Variants in SMOC1 observed in about 807,000 individuals in gnomAD.
The protein encoded by SMOC1 is SPARC-related modular calcium-binding protein 1.
SMOC1 carries 22 observed loss-of-function variants against 56.3 expected under a neutral mutation model. The ratio of observed to expected loss-of-function variants is 0.39; its 90% CI spans 0.28 to 0.56. The LOEUF is 0.56. Among genes scored for constraint, SMOC1 ranks in the 20% least tolerant of loss-of-function variants. SMOC1 has a pLI of 0.61. For synonymous variants in SMOC1, 193 were observed against 215.0 expected (o/e 0.90, Z 0.89); for missense variants, 509 against 565.4 (o/e 0.90, Z 1.01).
chr14:69,920,934 T>G (rs1229451369), intron 1 of SMOC1, among the ~76,000 whole-genome samples: 1 of 152,124 alleles, frequency 6.6e-6, no homozygotes, highest in Non-Finnish European at 1.5e-5. Context: ...TCACAGTAAC[T>G]GTAAGATGGG....
chr14:69,965,017 A>G (rs1883516006), intron 3 of SMOC1, among the ~76,000 whole-genome samples: 1 of 152,148 alleles, frequency 6.6e-6, no homozygotes. Context: ...CAGGTGAGTA[A>G]AGTTGGGAAA....
rs149098861 is a variant in SMOC1, at chr14:70,011,960, G to A, written c.940+393G>A. Among the ~76,000 whole-genome samples, 112 of 152,328 alleles carry A rather than the reference G, an allele frequency of 7.4e-4. 1 individual carries two copies. The East Asian group carries it at 0.019, about 25-fold the overall frequency. ...CAGTGTCTGTTGCTTGCTCTGAAGA[G>A]GCAGATGACCCCTGGTGACACAGGA... On this transcript the variant is annotated intron_variant, in intron 9 of 11. Transcript: ENST00000361956.
rs551751795 is a variant in SMOC1 at position 69,912,957 on chromosome 14, C to G, written c.99+33180C>G. Among the ~76,000 whole-genome samples the G allele has an allele frequency of 1.3e-4, 20 of 152,284 alleles. 1 individual carries two copies. Among genetic ancestry groups the G allele is most frequent in the African/African-American group, 4.8e-4 (20 of 41,552 alleles). ...TCACTTTAAACACAATTTGAATAAG[C>G]CTATTACTTTCAGTTCCTTTGAAAA... On this transcript the variant is annotated intron_variant, in intron 1 of 11. Coordinates refer to ENST00000361956, the MANE Select transcript of SMOC1 (RefSeq NM_001034852.3).
intron 5 of SMOC1, among the ~76,000 whole-genome samples, chr14:69,986,586 T>C (rs548391456): frequency 3.0e-4 from 45 of 152,322 alleles, no homozygotes; most frequent in African/African-American, 1.1e-3. Context: ...GTATTATCTT[T>C]GCAACTTCCT....
At chr14:69,901,733 A>G (rs377544142) in intron 1 of SMOC1, among the ~76,000 whole-genome samples, 2 of 152,366 alleles carry the variant, frequency 1.3e-5, no homozygotes, top group African/African-American at 4.8e-5. Flanking sequence ...TGTTTTTCAA[A>G]TGCACAAGAA....
At chr14:70,011,667 T>C (rs562474928) in intron 9 of SMOC1, 100 bp downstream of exon 9, 4 of 1,144,010 alleles carry the variant, frequency 3.5e-6, no homozygotes, top group East Asian at 2.4e-5. Context: ...TGTTTCCCCA[T>C]GTGTAAGATG....
chr14:70,010,006 G>A (rs1396665665), intron 7 of SMOC1, among the ~76,000 whole-genome samples: 1 of 152,202 alleles, frequency 6.6e-6, no homozygotes, highest in Non-Finnish European at 1.5e-5. Flanking sequence ...CTGGACACAG[G>A]GCACCACGCT....
intron 5 of SMOC1, among the ~76,000 whole-genome samples, chr14:69,985,196 T>C (rs1205088715): frequency 6.6e-6 from 1 of 151,696 alleles, no homozygotes; most frequent in Non-Finnish European, 1.5e-5. Flanking sequence ...TGGCAGGATG[T>C]CACTACATAT....
intron 3 of SMOC1, among the ~76,000 whole-genome samples, chr14:69,966,593 A>G (rs1008463510): frequency 1.3e-5 from 2 of 152,092 alleles, no homozygotes; most frequent in Non-Finnish European, 2.9e-5. Context: ...CCCCACTCCA[A>G]TCCAGGGCTC....
chr14:69,888,270 G>T (rs1405405342), intron 1 of SMOC1, among the ~76,000 whole-genome samples: 1 of 152,198 alleles, frequency 6.6e-6, no homozygotes, highest in East Asian at 1.9e-4. Context: ...TCCCCATGAA[G>T]ACCCCAAAGC....
intron 1 of SMOC1, among the ~76,000 whole-genome samples, chr14:69,880,826 C>A (rs1490832071): frequency 6.6e-6 from 1 of 152,210 alleles, no homozygotes; most frequent in African/African-American, 2.4e-5. Flanking sequence ...GGCCCTTTAC[C>A]ACCTGTTCAG....
chr14:69,912,424 A>AT (rs1279183959), intron 1 of SMOC1, among the ~76,000 whole-genome samples: 3 of 151,924 alleles, frequency 2.0e-5, no homozygotes, highest in African/African-American at 7.3e-5. Flanking sequence ...AATTAAAAAA[A>AT]TTTTTTTTGT....
intron 3 of SMOC1, among the ~76,000 whole-genome samples, chr14:69,955,498 T>C (rs1356123463): frequency 6.6e-6 from 1 of 152,082 alleles, no homozygotes; most frequent in East Asian, 1.9e-4. Context: ...TAATTAGTAT[T>C]GTTAATGATC....
chr14:69,989,032 GT>G (rs1195185757), intron 5 of SMOC1, among the ~76,000 whole-genome samples: 1 of 152,158 alleles, frequency 6.6e-6, no homozygotes, highest in Non-Finnish European at 1.5e-5. Context: ...GTGTGGGCAT[GT>G]TTTTATTCTC....
chr14:70,029,613 G>A (rs553103054), intron 11 of SMOC1, among the ~76,000 whole-genome samples: 24 of 152,344 alleles, frequency 1.6e-4, no homozygotes, highest in South Asian at 8.3e-4. Flanking sequence ...GCATACGGAA[G>A]AAGGTGCCAG....
chr14:69,983,389 G>C (rs1291645379), intron 5 of SMOC1, among the ~76,000 whole-genome samples: 1 of 152,238 alleles, frequency 6.6e-6, no homozygotes, highest in African/African-American at 2.4e-5. Context: ...CCAGGGATGA[G>C]TATAACAGTA....
At chr14:69,937,091 C>T (rs982264985) in intron 1 of SMOC1, among the ~76,000 whole-genome samples, 1 of 152,146 alleles carries the variant, frequency 6.6e-6, no homozygotes, top group African/African-American at 2.4e-5. Context: ...TGTTATCCTT[C>T]GCATCAGAAA....
intron 1 of SMOC1, among the ~76,000 whole-genome samples, chr14:69,950,887 G>T (rs1460585870): frequency 2.6e-5 from 4 of 152,336 alleles, no homozygotes; most frequent in African/African-American, 9.6e-5. Flanking sequence ...AAACTTAACG[G>T]CTTAAAACAA....
rs1473230860 is a variant in SMOC1 at position 69,889,663 on chromosome 14, AG to A, written c.99+9887del. On this transcript the variant is annotated intron_variant, in intron 1 of 11. Coordinates refer to ENST00000361956, the MANE Select transcript of SMOC1 (RefSeq NM_001034852.3). ...TGCCATGACAAATGAACACAAACTT[AG>A]TGACTTAAACAACACAAATTTCTAC... 2.1e-4 allele frequency among the ~76,000 whole-genome samples: 32 copies of A among 152,224 alleles called. 1 individual carries two copies. The highest frequency in any genetic ancestry group is 1.8e-3 in the Admixed American group (28 of 15,288).
Sources: gnomAD v4.1 joint callset for allele counts (sites outside exome capture counted in the v4.1 genomes callset) on GRCh38, gnomAD v4.1.1 for gene constraint, MANE v1.5 for transcripts, NCBI Gene and HGNC (gene_info 2026-07-23, HGNC 2026-07-21) for gene names.